Variants in CA5A observed in about 807,000 individuals in gnomAD.
CA5A encodes carbonic anhydrase 5A, also known as carbonic anhydrase 5A, mitochondrial.
A neutral mutation model predicts 37.1 loss-of-function variants in CA5A; 28 were observed. That is an observed-to-expected ratio of 0.75 (90% CI 0.56 to 1.03). CA5A has a LOEUF of 1.03. Ranked by LOEUF, CA5A falls within the 50% of genes least tolerant of loss-of-function variation. CA5A has a pLI of 0.00. For synonymous variants in CA5A, 171 were observed against 158.4 expected, an observed-to-expected ratio of 1.08 and a Z score of -0.60; for missense variants, 444 against 399.9, an observed-to-expected ratio of 1.11 and a Z score of -0.94.
intron 5 of CA5A, among the ~76,000 whole-genome samples, chr16:87,895,293 C>T: frequency 6.6e-6 from 1 of 152,162 alleles, no homozygotes. Flanking sequence ...CGCCTGTAAT[C>T]CCAGCACTTT....
chr16:87,909,231 C>T (rs2056011721), intron 2 of CA5A, among the ~76,000 whole-genome samples: 3 of 152,174 alleles, frequency 2.0e-5, no homozygotes, highest in Non-Finnish European at 2.9e-5. Context: ...AATCTGCCTC[C>T]TGAGGGGAAC....
chr16:87,908,534 G>A (rs1360253676), intron 2 of CA5A, among the ~76,000 whole-genome samples: 1 of 152,186 alleles, frequency 6.6e-6, no homozygotes, highest in Admixed American at 6.5e-5. Flanking sequence ...ACTGCATGAG[G>A]CATAAGTCCA....
intron 5 of CA5A, among the ~76,000 whole-genome samples, chr16:87,896,887 G>C (rs1199796251): frequency 6.6e-6 from 1 of 152,198 alleles, no homozygotes. Context: ...TGATCCGCCC[G>C]CCTCAGCCTC....
At position 87,929,279 on chromosome 16, in the gene CA5A, C is replaced by G. The variant is rs148854845; in HGVS notation, c.143-2334G>C. Among the ~76,000 whole-genome samples the G allele has an allele frequency of 9.5e-3, 1,436 of 150,658 alleles. 21 individuals are homozygous for G. The highest frequency in any genetic ancestry group is 0.033 in the African/African-American group (1,367 of 41,188). ...CCAGCCTGGCCAACATGGTAAAACC[C>G]TGTCTCTACTAATAATGCAAAAATT... On this transcript the variant is annotated intron_variant, in intron 1 of 6. Transcript: ENST00000649794.
At chr16:87,893,282 C>T (rs758045786) in intron 5 of CA5A, 27 of 373,598 alleles carry the variant, frequency 7.2e-5, no homozygotes, top group Non-Finnish European at 1.0e-4. Flanking sequence ...TTCACGCCAT[C>T]GCGACCAGCT....
At chr16:87,908,463 G>A (rs1439798103) in intron 2 of CA5A, among the ~76,000 whole-genome samples, 2 of 152,230 alleles carry the variant, frequency 1.3e-5, no homozygotes, top group Non-Finnish European at 2.9e-5. Context: ...CCTGGTCCCA[G>A]CTCAAGCACC....
In CA5A at chr16:87,901,058, C is replaced by T. The variant is rs144529086; in HGVS notation, c.618+854G>A. ...CAGCCTGGCCAACATGGTGAAACCC[C>T]GTCTCTACTAAAAATACAAAAATTA... On this transcript the variant is annotated intron_variant, in intron 5 of 6. Transcript: ENST00000649794. Among the ~76,000 whole-genome samples, 655 of 152,230 alleles carry T rather than the reference C, an allele frequency of 4.3e-3. 9 individuals carry two copies. The highest frequency in any genetic ancestry group is 0.015 in the African/African-American group (633 of 41,526).
At chr16:87,922,152 A>G (rs368560748) in intron 2 of CA5A, among the ~76,000 whole-genome samples, 7 of 151,818 alleles carry the variant, frequency 4.6e-5, no homozygotes, top group South Asian at 2.1e-4. Context: ...GCTCTAACAC[A>G]CTCTCCAGGG....
rs1344745014 is a variant in CA5A at position 87,906,746 on chromosome 16, C to A, written c.341-1842G>T. Reference sequence around the variant, plus strand: ...CTGGACCAAGCCACAGAGCTGCTCACTGCCCCTCTTCACTCAAAATCTCAG... The same window carrying A: ...CTGGACCAAGCCACAGAGCTGCTCAATGCCCCTCTTCACTCAAAATCTCAG... On this transcript the variant is annotated intron_variant, in intron 2 of 6. Coordinates refer to ENST00000649794, the MANE Select transcript of CA5A (RefSeq NM_001739.2). Among the ~76,000 whole-genome samples, 4 of 152,346 alleles carry A rather than the reference C, an allele frequency of 2.6e-5. No homozygotes were observed. The South Asian group carries it at 8.3e-4, about 32-fold the overall frequency.
At position 87,928,602 on chromosome 16, in the gene CA5A, T is replaced by C. The variant is rs184330647; in HGVS notation, c.143-1657A>G. On this transcript the variant is annotated intron_variant, in intron 1 of 6. Transcript: ENST00000649794. ...AATATATATATACAATTCTTTTTAA[T>C]GGTGGCACGTTTCCATTGTACAGTT... 5.3e-5 allele frequency among the ~76,000 whole-genome samples: 8 copies of C among 152,288 alleles called. No homozygotes were observed. The East Asian group carries it at 1.5e-3, about 29-fold the overall frequency.
rs1347316061 is a variant in CA5A, at chr16:87,891,170, T to C, written c.774+629A>G. On this transcript the variant is annotated intron_variant, in intron 6 of 6. Transcript: ENST00000649794. ...AAAAAAAAAAAGCAATGAAACTATT[T>C]AGATAAGAAAAAGGAGGCCGGGCTC... is the stretch of plus-strand genomic sequence containing the variant. 4.6e-5 allele frequency among the ~76,000 whole-genome samples: 7 copies of C among 150,778 alleles called. No individual in the cohort carries two copies. In the South Asian group the frequency reaches 1.0e-3, roughly 23 times the overall value.
intron 2 of CA5A, among the ~76,000 whole-genome samples, chr16:87,919,803 A>T (rs1329176881): frequency 3.3e-5 from 5 of 152,246 alleles, no homozygotes; most frequent in Admixed American, 2.0e-4. Flanking sequence ...GGCAGGGGGC[A>T]GCGGCGGGTG....
At position 87,893,585 on chromosome 16, in the gene CA5A, C is replaced by A. The variant is rs537096564; in HGVS notation, c.619-1631G>T. The A allele has an allele frequency of 1.3e-4, 89 of 680,822 alleles. No individual in the cohort carries two copies. The African/African-American group carries it at 1.6e-3, about 12-fold the overall frequency. The allele number at this position is 680,822 out of a possible 1,614,324, so 42.2% of individuals were successfully genotyped here. On this transcript the variant is annotated intron_variant, in intron 5 of 6. Transcript: ENST00000649794. ...AAAGGTCTGGAGGGTGGGCGACCTG[C>A]AAGACTCACAAGAGGGGAAGCTGAC...
At chr16:87,926,696 C>A in intron 2 of CA5A, 52 bp downstream of exon 2, 1 of 1,443,228 alleles carries the variant, frequency 6.9e-7, no homozygotes, top group South Asian at 1.2e-5. Context: ...CTTGACCCTG[C>A]TGCCAGAACA....
At chr16:87,897,265 GA>G (rs2055817220) in intron 5 of CA5A, among the ~76,000 whole-genome samples, 1 of 152,280 alleles carries the variant, frequency 6.6e-6, no homozygotes, top group Admixed American at 6.5e-5. Flanking sequence ...AGGCAGGGAG[GA>G]GGGGGGACCC....
rs1314553584 is a variant in CA5A, at chr16:87,904,854, A to C, written c.391T>G (p.Phe131Val). Residue 131 changes from phenylalanine (F) to valine (V), a missense_variant, in exon 3 of 7, where the codon TTC becomes GTC. Physicochemically the swap from Phe to Val is conservative, Grantham distance 50. Coordinates refer to ENST00000649794, the MANE Select transcript of CA5A (RefSeq NM_001739.2). ...ENHYRLKQFH[F>V]HWGAVNEGGS... ...CCCTCGTTCACTGCTCCCCAGTGGA[A>C]GTGAAATTGCTTCAGTCTGTAGTGG... is the stretch of plus-strand genomic sequence containing the variant. The C allele has an allele frequency of 6.2e-7, 1 of 1,613,570 alleles. No individual in the cohort carries two copies. The highest frequency in any genetic ancestry group is 8.5e-7 in the Non-Finnish European group (1 of 1,179,502).
chr16:87,906,608 C>T (rs1160407369), intron 2 of CA5A, among the ~76,000 whole-genome samples: 4 of 151,808 alleles, frequency 2.6e-5, no homozygotes, highest in Non-Finnish European at 4.4e-5. Context: ...GACTGGGCGA[C>T]GGAGTGAGAA....
chr16:87,929,871 C>CAAAAAAAAAAAAAA, intron 1 of CA5A, among the ~76,000 whole-genome samples: 1 of 62,368 alleles, frequency 1.6e-5, no homozygotes, highest in Non-Finnish European at 2.7e-5. Context: ...GACTCCGTCT[C>CAAAAAAAAAAAAAA]AAAAAAAAAA....
At chr16:87,906,472 C>G (rs910058763) in intron 2 of CA5A, among the ~76,000 whole-genome samples, 1 of 151,946 alleles carries the variant, frequency 6.6e-6, no homozygotes, top group Non-Finnish European at 1.5e-5. Context: ...ACTGAAAATA[C>G]AAAAATTAGC....
Sources: gnomAD v4.1 joint callset for allele counts (sites outside exome capture counted in the v4.1 genomes callset) on GRCh38, gnomAD v4.1.1 for gene constraint, MANE v1.5 for transcripts, NCBI Gene and HGNC (gene_info 2026-07-23, HGNC 2026-07-21) for gene names.